SCHIP1: variants seen among roughly 807,000 people sequenced by gnomAD.
SCHIP1 encodes schwannomin-interacting protein 1.
A neutral mutation model predicts 29.7 loss-of-function variants in SCHIP1; 8 were observed. The ratio of observed to expected loss-of-function variants is 0.27; its 90% CI spans 0.16 to 0.49. The LOEUF (loss-of-function observed/expected upper bound fraction) is 0.49, where lower values mean the gene tolerates loss of function less well. Among genes scored for constraint, SCHIP1 ranks in the 20% least tolerant of loss-of-function variants. The probability of loss-of-function intolerance (pLI) is 0.99; values close to 1 mark genes in which losing one functional copy is unlikely to be tolerated. For missense variants in SCHIP1, 193 were observed against 294.6 expected, an observed-to-expected ratio of 0.66 and a Z score of 2.52; for synonymous variants, 76 against 94.9, an observed-to-expected ratio of 0.80 and a Z score of 1.16.
the SCHIP1 span, among the ~76,000 whole-genome samples, chr3:159,486,377 T>C: frequency 2.6e-5 from 4 of 152,322 alleles, no homozygotes; most frequent in South Asian, 6.2e-4. Flanking sequence ...TAGATTCCAA[T>C]TGTAAATGAG....
the SCHIP1 span, among the ~76,000 whole-genome samples, chr3:159,377,030 A>T: frequency 1.3e-5 from 2 of 152,242 alleles, no homozygotes; most frequent in Non-Finnish European, 2.9e-5. Context: ...AATCTTCAAA[A>T]GTGTCTGAAT....
the SCHIP1 span, among the ~76,000 whole-genome samples, chr3:159,604,335 G>A: frequency 2.6e-5 from 4 of 152,150 alleles, no homozygotes; most frequent in Admixed American, 6.5e-5. Context: ...CTTCCCTTGA[G>A]TAAGTCTGCA....
At chr3:159,524,412 C>T in the SCHIP1 span, among the ~76,000 whole-genome samples, 1 of 152,154 alleles carries the variant, frequency 6.6e-6, no homozygotes, top group East Asian at 1.9e-4. Flanking sequence ...TAGCCAAGTC[C>T]CCTCTCAAAC....
the SCHIP1 span, among the ~76,000 whole-genome samples, chr3:159,480,675 C>T: frequency 2.0e-5 from 3 of 152,100 alleles, no homozygotes; most frequent in East Asian, 5.8e-4. Flanking sequence ...CCTCCCTTCC[C>T]ACCTCCTCTT....
At chr3:159,520,318 T>C in the SCHIP1 span, among the ~76,000 whole-genome samples, 2 of 152,110 alleles carry the variant, frequency 1.3e-5, no homozygotes, top group South Asian at 4.2e-4. Flanking sequence ...GGACCGGAGC[T>C]TCCCGGGCAG....
At chr3:159,634,187 G>A in the SCHIP1 span, among the ~76,000 whole-genome samples, 1 of 152,134 alleles carries the variant, frequency 6.6e-6, no homozygotes, top group African/African-American at 2.4e-5. Context: ...GTAATATTAA[G>A]ATGCTAGTTA....
chr3:159,682,298 G>A, the SCHIP1 span, among the ~76,000 whole-genome samples: 1 of 152,054 alleles, frequency 6.6e-6, no homozygotes, highest in East Asian at 1.9e-4. Flanking sequence ...GTATCTAAAG[G>A]AGACAACTGT....
At chr3:159,601,812 C>T in the SCHIP1 span, among the ~76,000 whole-genome samples, 2 of 152,198 alleles carry the variant, frequency 1.3e-5, no homozygotes, top group Non-Finnish European at 2.9e-5. Context: ...CTTTGCAGCA[C>T]CTTTGGCTCT....
Position 159,888,955 on chromosome 3 carries a change from A to AT in SCHIP1, c.589+13dup. On this transcript the variant is annotated intron_variant, in intron 5 of 6. Transcript: ENST00000445224. ...TTCCCAGATAGAAAGTAAGTGTAAG[A>AT]TATGCTTGAAAATAGGATATTCAAT... The AT allele has an allele frequency of 6.2e-7, 1 of 1,612,794 alleles. No homozygotes were observed. The highest frequency in any genetic ancestry group is 8.5e-7 in the Non-Finnish European group (1 of 1,179,548).
the SCHIP1 span, among the ~76,000 whole-genome samples, chr3:159,368,334 C>T: frequency 6.6e-6 from 1 of 152,184 alleles, no homozygotes; most frequent in Admixed American, 6.5e-5. Context: ...CATCTCCTAG[C>T]TCCCCATGCT....
At chr3:159,641,201 A>G in the SCHIP1 span, among the ~76,000 whole-genome samples, 17 of 152,174 alleles carry the variant, frequency 1.1e-4, no homozygotes, top group Non-Finnish European at 1.5e-5. Flanking sequence ...GTTTGGGTTT[A>G]TACTCCTCTA....
chr3:159,715,581 T>A, the SCHIP1 span, among the ~76,000 whole-genome samples: 1 of 152,182 alleles, frequency 6.6e-6, no homozygotes, highest in Non-Finnish European at 1.5e-5. Flanking sequence ...CTGAAAACCA[T>A]GGCACGAGAA....
the SCHIP1 span, among the ~76,000 whole-genome samples, chr3:159,358,851 T>C: frequency 6.6e-6 from 1 of 150,466 alleles, no homozygotes. Context: ...CCCTTGGTAA[T>C]GGAAATAAAA....
At chr3:159,394,327 T>C in the SCHIP1 span, among the ~76,000 whole-genome samples, 30 of 152,122 alleles carry the variant, frequency 2.0e-4, 1 homozygote, top group African/African-American at 7.0e-4. Context: ...GCCTAATTGC[T>C]CTGGCCAGAA....
At chr3:159,621,703 T>C in the SCHIP1 span, among the ~76,000 whole-genome samples, 3 of 152,114 alleles carry the variant, frequency 2.0e-5, no homozygotes, top group Admixed American at 2.0e-4. Flanking sequence ...TTCAGTCTTG[T>C]CACCCAGGTT....
chr3:159,888,098 G>A lies in SCHIP1; in HGVS notation c.465+193G>A, dbSNP rs1470698395. On this transcript the variant is annotated intron_variant, in intron 4 of 6. Transcript: ENST00000445224. Reference sequence around the variant, plus strand: ...AGGACTGAAAAATACAGAAGCAATAGATTTCACAAAAGTAAAGTTTGCTGT... The same window carrying A: ...AGGACTGAAAAATACAGAAGCAATAAATTTCACAAAAGTAAAGTTTGCTGT... The A allele has an allele frequency of 9.0e-6, 7 of 777,124 alleles. No individual in the cohort carries two copies. The Admixed American group carries it at 1.2e-4, about 13-fold the overall frequency. The allele number at this position is 777,124 out of a possible 1,614,324, so 48.1% of individuals were successfully genotyped here.
the SCHIP1 span, among the ~76,000 whole-genome samples, chr3:159,621,719 A>G: frequency 6.6e-6 from 1 of 151,864 alleles, no homozygotes; most frequent in African/African-American, 2.4e-5. Flanking sequence ...AGGTTGGAGT[A>G]CAATGGTATG....
the SCHIP1 span, among the ~76,000 whole-genome samples, chr3:159,293,486 C>T: frequency 3.3e-5 from 5 of 152,082 alleles, no homozygotes; most frequent in African/African-American, 9.7e-5. Context: ...GAAGGTGGTA[C>T]GGAGGTCACA....
At chr3:159,281,354 C>T in the SCHIP1 span, among the ~76,000 whole-genome samples, 6 of 152,184 alleles carry the variant, frequency 3.9e-5, no homozygotes, top group Non-Finnish European at 5.9e-5. Context: ...AAGTGGTTTA[C>T]TTTATTTGGA....
Sources: gnomAD v4.1 joint callset for allele counts (sites outside exome capture counted in the v4.1 genomes callset) on GRCh38, gnomAD v4.1.1 for gene constraint, MANE v1.5 for transcripts, NCBI Gene and HGNC (gene_info 2026-07-23, HGNC 2026-07-21) for gene names.